The following AKAP6 variants were observed in gnomAD, a reference collection of about 807,000 sequenced individuals.
The protein encoded by AKAP6 is A-kinase anchoring protein 6.
AKAP6 carries 58 observed loss-of-function variants against 188.5 expected under a neutral mutation model. The observed-to-expected ratio is 0.31, with a 90% confidence interval of 0.25 to 0.38. The LOEUF is 0.38. AKAP6 is among the 10% of genes least tolerant of loss of function. The probability of loss-of-function intolerance (pLI) is 1.00; values close to 1 mark genes in which losing one functional copy is unlikely to be tolerated. For missense variants in AKAP6, 2,710 were observed against 2,740.0 expected (o/e 0.99, Z 0.24); for synonymous variants, 989 against 998.6 (o/e 0.99, Z 0.18).
At position 32,822,949 on chromosome 14, in the gene AKAP6, G is replaced by A. The variant is rs375264170; in HGVS notation, c.5136G>A (p.Pro1712=). The stretch of plus-strand genomic sequence containing the variant: ...TTGTGTTACACAAGAACAAGATCCC[G>A]GAATCGAATGCATCGTTCAGGAAGC... The part of the protein sequence containing the change: ...EDIVLHKNKI[P]ESNASFRKRL... Residue 1712 remains proline, a synonymous_variant, in exon 13 of 14, where the codon CCG becomes CCA. Transcript: ENST00000280979. 1.7e-5 allele frequency: 27 copies of A among 1,613,724 alleles called. 1 individual carries two copies. Among genetic ancestry groups the A allele is most frequent in the South Asian group, 3.3e-5 (3 of 91,080 alleles).
At chr14:32,703,466 T>C (rs1190481884) in intron 9 of AKAP6, among the ~76,000 whole-genome samples, 1 of 152,104 alleles carries the variant, frequency 6.6e-6, no homozygotes, top group Non-Finnish European at 1.5e-5. Flanking sequence ...TCAGAAAACA[T>C]ACTATTAATA....
chr14:32,802,023 T>C (rs569663276), intron 12 of AKAP6, among the ~76,000 whole-genome samples: 11 of 152,344 alleles, frequency 7.2e-5, no homozygotes, highest in African/African-American at 2.6e-4. Context: ...GAGATTTGTC[T>C]GTCATTAGTT....
intron 1 of AKAP6, among the ~76,000 whole-genome samples, chr14:32,347,124 A>T (rs921984655): frequency 2.0e-5 from 3 of 152,218 alleles, no homozygotes; most frequent in Non-Finnish European, 4.4e-5. Flanking sequence ...GCTTTGCTCT[A>T]TTTAGGATTC....
chr14:32,501,535 T>C (rs1253891297), intron 2 of AKAP6, among the ~76,000 whole-genome samples: 1 of 152,088 alleles, frequency 6.6e-6, no homozygotes, highest in Non-Finnish European at 1.5e-5. Context: ...TCTAACTAAC[T>C]GCCCAGGGCA....
chr14:32,726,209 A>T (rs1340330931), intron 9 of AKAP6: 8 of 983,616 alleles, frequency 8.1e-6, no homozygotes, highest in Non-Finnish European at 9.7e-6. Context: ...TTTACTGCAG[A>T]CTAAGGAGAA....
At chr14:32,385,405 CT>C (rs35404788) in intron 1 of AKAP6, among the ~76,000 whole-genome samples, 96,536 of 144,572 alleles carry the variant, frequency 0.67, 33,145 homozygotes, top group Non-Finnish European at 0.75. Flanking sequence ...ATTTTTATTT[CT>C]TTTTTTTTTT....
At chr14:32,757,491 G>A (rs2032381518) in intron 11 of AKAP6, among the ~76,000 whole-genome samples, 1 of 152,220 alleles carries the variant, frequency 6.6e-6, no homozygotes, top group African/African-American at 2.4e-5. Context: ...CTTTAAATAA[G>A]GAAGGGAATG....
chr14:32,748,903 C>T (rs1314629554), intron 11 of AKAP6, among the ~76,000 whole-genome samples: 1 of 152,092 alleles, frequency 6.6e-6, no homozygotes, highest in Non-Finnish European at 1.5e-5. Flanking sequence ...CTCTTTTTAC[C>T]TCTTGTTTCT....
intron 7 of AKAP6, among the ~76,000 whole-genome samples, chr14:32,607,070 A>G (rs185357493): frequency 6.6e-6 from 1 of 152,262 alleles, no homozygotes; most frequent in Admixed American, 6.5e-5. Flanking sequence ...ATTATGGGTA[A>G]CTTTCTTTAA....
chr14:32,573,107 A>G (rs1221681752), intron 4 of AKAP6, among the ~76,000 whole-genome samples: 1 of 152,128 alleles, frequency 6.6e-6, no homozygotes, highest in Admixed American at 6.5e-5. Context: ...CAGGGAGGCA[A>G]AGAAAAGTAA....
At chr14:32,757,719 C>A (rs1023639259) in intron 11 of AKAP6, among the ~76,000 whole-genome samples, 7 of 152,188 alleles carry the variant, frequency 4.6e-5, no homozygotes, top group Admixed American at 2.6e-4. Flanking sequence ...AACACACAGG[C>A]TAAACGGAGA....
chr14:32,617,759 G>A (rs1032170107), intron 7 of AKAP6, among the ~76,000 whole-genome samples: 1 of 152,118 alleles, frequency 6.6e-6, no homozygotes, highest in Non-Finnish European at 1.5e-5. Context: ...CCAAGTAGCT[G>A]GGACTACAGG....
chr14:32,669,297 CT>C (rs937689890), intron 7 of AKAP6, among the ~76,000 whole-genome samples: 1 of 152,158 alleles, frequency 6.6e-6, no homozygotes, highest in Non-Finnish European at 1.5e-5. Context: ...TAGAAGGAAG[CT>C]TTGGCATCCA....
intron 12 of AKAP6, among the ~76,000 whole-genome samples, chr14:32,813,411 C>CCCCTCT: frequency 8.3e-6 from 1 of 120,298 alleles, no homozygotes; most frequent in Non-Finnish European, 1.7e-5. Context: ...AACCCCTTTC[C>CCCCTCT]CAGAGGTCCT....
intron 12 of AKAP6, among the ~76,000 whole-genome samples, chr14:32,787,859 A>G (rs980819953): frequency 6.6e-5 from 10 of 152,120 alleles, no homozygotes; most frequent in African/African-American, 2.4e-4. Context: ...CAAGTACATT[A>G]CATAGAGATC....
intron 13 of AKAP6, among the ~76,000 whole-genome samples, 179 bp downstream of exon 13, chr14:32,824,994 A>C (rs1410081260): frequency 1.3e-5 from 2 of 152,194 alleles, no homozygotes; most frequent in Admixed American, 6.5e-5. Flanking sequence ...AAAGAAAAAA[A>C]AAACAGGGAA....
At chr14:32,434,798 G>A (rs1051479637) in intron 2 of AKAP6, among the ~76,000 whole-genome samples, 1 of 152,214 alleles carries the variant, frequency 6.6e-6, no homozygotes, top group African/African-American at 2.4e-5. Context: ...GAGCAGAGCA[G>A]GCTCAGCCTT....
At chr14:32,824,944 T>A in intron 13 of AKAP6, 129 bp downstream of exon 13, 1 of 605,216 alleles carries the variant, frequency 1.7e-6, no homozygotes, top group Non-Finnish European at 2.7e-6. Flanking sequence ...GACATTTAGG[T>A]AGAAGAAATG....
At chr14:32,809,673 A>C (rs2034174650) in intron 12 of AKAP6, among the ~76,000 whole-genome samples, 1 of 152,194 alleles carries the variant, frequency 6.6e-6, no homozygotes, top group Non-Finnish European at 1.5e-5. Context: ...CTAAATAACG[A>C]AGGAAAATGA....
Sources: gnomAD v4.1 joint callset for allele counts (sites outside exome capture counted in the v4.1 genomes callset) on GRCh38, gnomAD v4.1.1 for gene constraint, MANE v1.5 for transcripts, NCBI Gene and HGNC (gene_info 2026-07-23, HGNC 2026-07-21) for gene names.